SECISBP2: variants seen among roughly 807,000 people sequenced by gnomAD.
SECISBP2 encodes selenocysteine insertion sequence-binding protein 2.
Under a neutral mutation model 98.2 loss-of-function variants are expected in SECISBP2, and 96 were observed. That is an observed-to-expected ratio of 0.98 (90% CI 0.83 to 1.16). SECISBP2 has a LOEUF of 1.16. SECISBP2 is among the 50% of genes most tolerant of loss of function. The probability of loss-of-function intolerance (pLI) is 0.00; values close to 1 mark genes in which losing one functional copy is unlikely to be tolerated. For synonymous variants in SECISBP2, 407 were observed against 370.2 expected (o/e 1.10, Z -1.14); for missense variants, 1,046 against 1,022.9 (o/e 1.02, Z -0.31).
downstream of SECISBP2, chr9:89,363,512 T>C (rs911870147): frequency 3.1e-6 from 5 of 1,614,040 alleles, no homozygotes; most frequent in East Asian, 6.7e-5. Context: ...GGTCCACCTC[T>C]CCTGGTGGGT....
At chr9:89,319,383 C>G (rs565402482) in intron 1 of SECISBP2, among the ~76,000 whole-genome samples, 5 of 152,134 alleles carry the variant, frequency 3.3e-5, no homozygotes, top group African/African-American at 1.2e-4. Context: ...ATTCCAAGAT[C>G]TAAACTATAT....
At chr9:89,337,760 C>T (rs1829003034) in intron 7 of SECISBP2, among the ~76,000 whole-genome samples, 1 of 152,180 alleles carries the variant, frequency 6.6e-6, no homozygotes, top group Admixed American at 6.5e-5. Context: ...TAGAGCCTCC[C>T]CATTCTGATG....
chr9:89,320,224 C>T (rs141217888), intron 2 of SECISBP2, among the ~76,000 whole-genome samples: 10 of 151,942 alleles, frequency 6.6e-5, no homozygotes, highest in South Asian at 4.2e-4. Context: ...GGTATGGTGG[C>T]GGACACCTGT....
rs571879608 is a variant in SECISBP2, at chr9:89,340,490, G to C, written c.1302+537G>C. Among the ~76,000 whole-genome samples the C allele has an allele frequency of 2.0e-5, 3 of 152,296 alleles. No homozygotes were observed. In the East Asian group the frequency reaches 5.8e-4, roughly 29 times the overall value. On this transcript the variant is annotated intron_variant, in intron 9 of 16. Coordinates refer to ENST00000375807, the MANE Select transcript of SECISBP2 (RefSeq NM_024077.5). ...TGTACTTGTAGACATTTATTTGCTA[G>C]GATATTCATTGTCGTTTTGCCTTTT...
chr9:89,333,313 A>G (rs1424946979), intron 6 of SECISBP2, among the ~76,000 whole-genome samples: 1 of 152,192 alleles, frequency 6.6e-6, no homozygotes, highest in Non-Finnish European at 1.5e-5. Context: ...GAGAACCCCA[A>G]AGAGCTCTTG....
downstream of SECISBP2, among the ~76,000 whole-genome samples, chr9:89,363,272 C>CA (rs1016571027): frequency 2.0e-5 from 3 of 152,178 alleles, no homozygotes; most frequent in African/African-American, 2.4e-5. Flanking sequence ...GGATTTCCCC[C>CA]CCCAGTGTTG....
chr9:89,347,112 T>C lies in SECISBP2; in HGVS notation c.1602+64T>C, dbSNP rs555157318. On this transcript the variant is annotated intron_variant, in intron 11 of 16. Coordinates refer to ENST00000375807, the MANE Select transcript of SECISBP2 (RefSeq NM_024077.5). ...ACTTAGTCTCACATTTCCATAGTTA[T>C]TCTCCCAGCTCTTAGATTTTTAGAT... 1.6e-5 allele frequency: 25 copies of C among 1,523,908 alleles called. No homozygotes were observed. The African/African-American group carries it at 2.6e-4, about 16-fold the overall frequency. 94.4% of individuals were successfully genotyped at this position (1,523,908 alleles called of 1,614,324 possible).
intron 7 of SECISBP2, among the ~76,000 whole-genome samples, chr9:89,335,004 G>C (rs1290775110): frequency 1.3e-5 from 2 of 152,142 alleles, no homozygotes; most frequent in Non-Finnish European, 2.9e-5. Context: ...CACGAGGTCA[G>C]GAGATGGAGA....
Position 89,358,080 on chromosome 9 carries a change from C to T in SECISBP2, c.2350C>T (p.Leu784=), listed in dbSNP as rs1554727804. 1.2e-6 allele frequency: 2 copies of T among 1,613,844 alleles called. No homozygotes were observed. The highest frequency in any genetic ancestry group is 8.5e-7 in the Non-Finnish European group (1 of 1,180,000). ...CATGCTGGAGAATGTGCAGCAGGAG[C>T]TGGTGGGAGAGCCCAGGCCTCAGGC... ...KTMLENVQQE[L]VGEPRPQAPP... is the part of the protein sequence containing the mutation. The change falls in exon 16 of 17, where the codon CTG becomes TTG. Residue 784 remains leucine (L), a synonymous_variant. Transcript: ENST00000375807.
intron 10 of SECISBP2, among the ~76,000 whole-genome samples, chr9:89,345,499 C>T (rs1387346530): frequency 1.3e-5 from 2 of 152,174 alleles, no homozygotes; most frequent in Non-Finnish European, 2.9e-5. Context: ...AAGCACTCTT[C>T]GGTTTGTTGG....
chr9:89,342,535 C>T (rs1181888826), intron 10 of SECISBP2, among the ~76,000 whole-genome samples: 1 of 152,152 alleles, frequency 6.6e-6, no homozygotes, highest in Non-Finnish European at 1.5e-5. Flanking sequence ...TGTTCATTAC[C>T]ACATAATGGT....
At chr9:89,325,177 A>G (rs912200975) in intron 2 of SECISBP2, 18 of 498,234 alleles carry the variant, frequency 3.6e-5, no homozygotes, top group Non-Finnish European at 6.1e-5. Flanking sequence ...CTGCTGGAGC[A>G]TCTTCTGGCT....
In SECISBP2 at chr9:89,328,736, A is replaced by C. The variant is rs770363545; in HGVS notation, c.651A>C (p.Glu217Asp). Residue 217 changes from glutamate (E) to aspartate (D), a missense_variant, in exon 5 of 17, where the codon GAA (glutamate) becomes GAC (aspartate). By Grantham distance (45) the Glu-to-Asp change is conservative. Transcript: ENST00000375807. The stretch of plus-strand genomic sequence containing the variant: ...TATCTACCTCCAAACCTGAGTTTGA[A>C]TTTACCACACTGGACTTTCCTGAAC... Reference protein sequence around the residue: ...KNVSTSKPEFEFTTLDFPELQ... With the variant: ...KNVSTSKPEFDFTTLDFPELQ... 5.0e-6 allele frequency: 8 copies of C among 1,614,238 alleles called. 1 individual carries two copies. The South Asian group carries it at 8.8e-5, about 18-fold the overall frequency.
chr9:89,348,166 GGA>G lies in SECISBP2; in HGVS notation c.1696_1697del (p.Ser566TrpfsTer3), dbSNP rs761141342. On this transcript the variant is annotated frameshift_variant, in exon 12 of 17. Transcript: ENST00000375807. LOFTEE classifies it high-confidence loss of function. ...PAFTSDDTQD[G>X]ESGGDDQFPE... ...TTTTACCAGTGATGACACACAAGAT[GGA>G]GAGAGTGGTGGTGATGACCAGTTTC... The G allele has an allele frequency of 1.9e-6, 3 of 1,614,056 alleles. No individual in the cohort carries two copies. Among genetic ancestry groups the G allele is most frequent in the Non-Finnish European group, 2.5e-6 (3 of 1,180,000 alleles).
At chr9:89,350,002 C>T in intron 13 of SECISBP2, 73 bp downstream of exon 13, 2 of 1,552,784 alleles carry the variant, frequency 1.3e-6, no homozygotes, top group Non-Finnish European at 1.8e-6. Context: ...ATTGATATCT[C>T]CCATAAATCC....
chr9:89,337,649 T>TTCTA (rs1372171932), intron 7 of SECISBP2, among the ~76,000 whole-genome samples: 3 of 152,238 alleles, frequency 2.0e-5, no homozygotes, highest in Non-Finnish European at 4.4e-5. Context: ...GGTCAGTAGA[T>TTCTA]AAGCATATTC....
the SECISBP2 span, among the ~76,000 whole-genome samples, chr9:89,366,818 C>T: frequency 3.3e-5 from 5 of 152,156 alleles, no homozygotes; most frequent in Admixed American, 2.6e-4. Flanking sequence ...AGCCCGGTCT[C>T]CTCCCTCATG....
In SECISBP2 at chr9:89,336,040, G is replaced by A. The variant is rs533608080; in HGVS notation, c.1089+1310G>A. Among the ~76,000 whole-genome samples, 326 of 137,214 alleles carry A rather than the reference G, an allele frequency of 2.4e-3. 2 individuals are homozygous for A. The highest frequency in any genetic ancestry group is 8.5e-3 in the African/African-American group (312 of 36,646). 90.0% of individuals were successfully genotyped at this position (137,214 alleles called of 152,430 possible). A position where few individuals can be genotyped will look rare whatever the true frequency, so the allele number is the denominator to read the frequency against. On this transcript the variant is annotated intron_variant, in intron 7 of 16. Transcript: ENST00000375807. ...GAATTTATTTACTTGTTATAAGATA[G>A]CATTCAGAATAGATTTTTTTCCCTT...
intron 10 of SECISBP2, among the ~76,000 whole-genome samples, chr9:89,341,910 C>T (rs1399968070): frequency 6.6e-6 from 1 of 152,102 alleles, no homozygotes; most frequent in Non-Finnish European, 1.5e-5. Flanking sequence ...TCAGATATGG[C>T]ACCAAAAAGA....
Sources: gnomAD v4.1 joint callset for allele counts (sites outside exome capture counted in the v4.1 genomes callset) on GRCh38, gnomAD v4.1.1 for gene constraint, MANE v1.5 for transcripts, NCBI Gene and HGNC (gene_info 2026-07-23, HGNC 2026-07-21) for gene names.